Variants in ATP2B2 observed in about 807,000 individuals in gnomAD.
ATP2B2 encodes the protein plasma membrane calcium-transporting ATPase 2.
In ATP2B2, 15 loss-of-function variants were observed where a neutral mutation model predicts 120.0. The observed-to-expected ratio is 0.12, with a 90% CI of 0.08 to 0.19. The LOEUF (loss-of-function observed/expected upper bound fraction) is 0.19, where lower values mean the gene tolerates loss of function less well. Among genes scored for constraint, ATP2B2 ranks in the 10% least tolerant of loss-of-function variants. ATP2B2 has a pLI of 1.00. For missense variants in ATP2B2, 1,045 were observed against 1,719.8 expected (o/e 0.61, Z 6.94); for synonymous variants, 694 against 700.3 (o/e 0.99, Z 0.14).
intron 2 of ATP2B2, among the ~76,000 whole-genome samples, chr3:10,538,529 C>T (rs143580287): frequency 1.6e-4 from 25 of 152,268 alleles, no homozygotes; most frequent in Admixed American, 2.6e-4. Flanking sequence ...TTATCCGCCA[C>T]GATCAAGTTG....
Position 10,623,138 on chromosome 3 carries a change from C to A in ATP2B2, c.-459-3177G>T, listed in dbSNP as rs1013114136. On this transcript the variant is annotated intron_variant, in intron 1 of 21. Coordinates refer to the ATP2B2 transcript ENST00000646379. Reference sequence around the variant, plus strand: ...AGTGCAGTGGTGCAACCATAGCTCACTGTAACCTCAAATTCCTGGCCTCAA... The same window carrying A: ...AGTGCAGTGGTGCAACCATAGCTCAATGTAACCTCAAATTCCTGGCCTCAA... Among the ~76,000 whole-genome samples, 3 of 148,742 alleles carry A rather than the reference C, an allele frequency of 2.0e-5. No homozygotes were observed. In the East Asian group the frequency reaches 6.0e-4, roughly 30 times the overall value.
rs114368564 is a variant in ATP2B2 at position 10,526,119 on chromosome 3, T to A, written c.-320+7920A>T. 9.0e-3 allele frequency among the ~76,000 whole-genome samples: 1,373 copies of A among 152,334 alleles called. 10 individuals carry two copies. Among genetic ancestry groups the A allele is most frequent in the Middle Eastern group, 0.017 (5 of 294 alleles). On this transcript the variant is annotated intron_variant, in intron 3 of 21. Transcript: ENST00000646379. ...AGGATTATTGTGTGTGTAATATTTG[T>A]ATTATTAAAACAGGTGTGTGAGCCT...
intron 2 of ATP2B2, among the ~76,000 whole-genome samples, chr3:10,446,310 C>G (rs753216261): frequency 6.6e-6 from 1 of 152,162 alleles, no homozygotes; most frequent in African/African-American, 2.4e-5. Context: ...TTGAGCACTT[C>G]GATGCTGGGC....
chr3:10,366,082 C>T (rs2061048342), intron 12 of ATP2B2, among the ~76,000 whole-genome samples: 1 of 152,152 alleles, frequency 6.6e-6, no homozygotes, highest in South Asian at 2.1e-4. Context: ...TGCTAAGTCC[C>T]TTCCAGTATC....
intron 1 of ATP2B2, among the ~76,000 whole-genome samples, chr3:10,620,452 T>C (rs1575565371): frequency 6.6e-6 from 1 of 152,124 alleles, no homozygotes; most frequent in East Asian, 1.9e-4. Context: ...GACTTGGGGG[T>C]ATCCCTGTCA....
intron 2 of ATP2B2, among the ~76,000 whole-genome samples, chr3:10,424,123 G>C (rs1172963270): frequency 6.6e-6 from 1 of 152,230 alleles, no homozygotes; most frequent in Non-Finnish European, 1.5e-5. Flanking sequence ...CAAGAAATGA[G>C]CACATGTGCT....
At chr3:10,335,055 C>T (rs183004298) in intron 22 of ATP2B2, among the ~76,000 whole-genome samples, 103 of 152,214 alleles carry the variant, frequency 6.8e-4, no homozygotes, top group Middle Eastern at 3.4e-3. Context: ...GCCATGGGTC[C>T]GGGAAAGAGC....
In ATP2B2 at chr3:10,326,560, C is replaced by T. The variant is rs185395026; in HGVS notation, c.*2254G>A. ...AAAAAACACCATGTTCCAAGGCTGC[C>T]CCATGTTTTACACGTGCAGATCTTT... On this transcript the variant is annotated 3_prime_UTR_variant, in exon 23 of 23. Coordinates refer to ENST00000360273, the MANE Select transcript of ATP2B2 (RefSeq NM_001001331.4). 2.5e-6 allele frequency: 1 copy of T among 397,614 alleles called. No homozygotes were observed. Among genetic ancestry groups the T allele is most frequent in the African/African-American group, 2.1e-5 (1 of 48,716 alleles). The allele number at this position is 397,614 out of a possible 1,614,324, so 24.6% of individuals were successfully genotyped here.
At chr3:10,613,851 C>G (rs908571565) in intron 2 of ATP2B2, among the ~76,000 whole-genome samples, 1 of 152,140 alleles carries the variant, frequency 6.6e-6, no homozygotes, top group Non-Finnish European at 1.5e-5. Flanking sequence ...GGCACAGCCC[C>G]TCACCTAGCT....
In ATP2B2 at chr3:10,347,117, T is replaced by C. The variant is rs1010706201; in HGVS notation, c.2405-980A>G. ...CCCCTTGGTCTCAGGATAACATCCA[T>C]GTTCTTAGCTCCACTTATGAAGTCC... On this transcript the variant is annotated intron_variant, in intron 16 of 22. Coordinates refer to ENST00000360273, the MANE Select transcript of ATP2B2 (RefSeq NM_001001331.4). This position sits in a 1 kb window ranked among gnomAD's most constrained non-coding sequence, Gnocchi z 5.2. Among the ~76,000 whole-genome samples, 2 of 152,124 alleles carry C rather than the reference T, an allele frequency of 1.3e-5. No individual in the cohort carries two copies. The highest frequency in any genetic ancestry group is 4.8e-5 in the African/African-American group (2 of 41,420).
At chr3:10,677,809 G>A (rs979373642) in intron 1 of ATP2B2, among the ~76,000 whole-genome samples, 2 of 152,202 alleles carry the variant, frequency 1.3e-5, no homozygotes, top group Non-Finnish European at 2.9e-5. Context: ...ATAGGATCCT[G>A]TTTTTTATCA....
chr3:10,543,178 G>A (rs1239980720), intron 2 of ATP2B2, among the ~76,000 whole-genome samples: 1 of 152,198 alleles, frequency 6.6e-6, no homozygotes, highest in African/African-American at 2.4e-5. Context: ...CTTGATGAAT[G>A]TGCTTAATAG....
intron 1 of ATP2B2, among the ~76,000 whole-genome samples, chr3:10,657,747 T>A (rs931050080): frequency 6.6e-6 from 1 of 151,982 alleles, no homozygotes; most frequent in African/African-American, 2.4e-5. Context: ...TTGAAGAGAG[T>A]AGTGGTTCTC....
At chr3:10,590,119 A>G (rs948741369) in intron 2 of ATP2B2, among the ~76,000 whole-genome samples, 1 of 152,254 alleles carries the variant, frequency 6.6e-6, no homozygotes, top group African/African-American at 2.4e-5. Context: ...ACTATGATAC[A>G]TGCAATTGGA....
At chr3:10,527,597 C>G (rs2067123206) in intron 3 of ATP2B2, among the ~76,000 whole-genome samples, 1 of 152,196 alleles carries the variant, frequency 6.6e-6, no homozygotes, top group South Asian at 2.1e-4. Flanking sequence ...GACTCAAAGC[C>G]TCACAGGTTC....
At chr3:10,365,085 G>A (rs1431962225) in intron 12 of ATP2B2, among the ~76,000 whole-genome samples, 1 of 152,224 alleles carries the variant, frequency 6.6e-6, no homozygotes, top group African/African-American at 2.4e-5. Flanking sequence ...ACTGAGGCCG[G>A]GAGAGGCAAG....
chr3:10,581,486 CCA>C (rs1229158238), intron 2 of ATP2B2, among the ~76,000 whole-genome samples: 3 of 152,172 alleles, frequency 2.0e-5, no homozygotes, highest in Admixed American at 6.5e-5. Context: ...TGGCCCACAG[CCA>C]CAGTGATGAG....
At chr3:10,577,476 G>A (rs2068280066) in intron 2 of ATP2B2, among the ~76,000 whole-genome samples, 1 of 152,172 alleles carries the variant, frequency 6.6e-6, no homozygotes, top group African/African-American at 2.4e-5. Flanking sequence ...AATCCCCAAG[G>A]CCATCAGGGG....
intron 3 of ATP2B2, among the ~76,000 whole-genome samples, chr3:10,517,585 A>G (rs2066901592): frequency 6.6e-6 from 1 of 152,190 alleles, no homozygotes; most frequent in African/African-American, 2.4e-5. Flanking sequence ...ACTGCTACTC[A>G]GCCACTACTT....
Sources: gnomAD v4.1 joint callset for allele counts (sites outside exome capture counted in the v4.1 genomes callset) on GRCh38, gnomAD v4.1.1 for gene constraint, Gnocchi (gnomAD v3.1) non-coding constraint, MANE v1.5 for transcripts, NCBI Gene and HGNC (gene_info 2026-07-23, HGNC 2026-07-21) for gene names.